The following CFAP43 variants were observed in gnomAD, a reference collection of about 807,000 sequenced individuals.
CFAP43 encodes the protein cilia and flagella associated protein 43, also known as cilia- and flagella-associated protein 43.
A neutral mutation model predicts 218.9 loss-of-function variants in CFAP43; 155 were observed. The ratio of observed to expected loss-of-function variants is 0.71; its 90% confidence interval spans 0.62 to 0.81. The LOEUF is 0.81. Among genes scored for constraint, CFAP43 ranks in the 30% least tolerant of loss-of-function variants. The probability of loss-of-function intolerance (pLI) is 0.00; values close to 1 mark genes in which losing one functional copy is unlikely to be tolerated. For missense variants in CFAP43, 1,778 were observed against 1,954.3 expected, an observed-to-expected ratio of 0.91 and a Z score of 1.70; for synonymous variants, 645 against 681.3, an observed-to-expected ratio of 0.95 and a Z score of 0.83.
intron 17 of CFAP43, among the ~76,000 whole-genome samples, chr10:104,181,019 T>C (rs767252735): frequency 2.0e-5 from 3 of 152,168 alleles, no homozygotes; most frequent in Non-Finnish European, 4.4e-5. Flanking sequence ...TATCCAGTCC[T>C]GACCTCTCCC....
intron 5 of CFAP43, among the ~76,000 whole-genome samples, chr10:104,211,054 G>A (rs2090847005): frequency 6.6e-6 from 1 of 151,886 alleles, no homozygotes; most frequent in Non-Finnish European, 1.5e-5. Flanking sequence ...GCCTCCCAAA[G>A]GAAACACTCT....
chr10:104,130,233 T>G lies in CFAP43; in HGVS notation c.4904A>C (p.Asn1635Thr). ...CTGTTCAGCTTGTTGTTTTGAAATA[T>G]TTGTTAACTTCTGCTGTTGCATCAT... ...ENMMQQQKLT[N>T]ISKQQAEQIS... is the part of the protein sequence containing the mutation. Residue 1635 changes from asparagine (N) to threonine (T), a missense_variant, in exon 38 of 38, where the codon AAT becomes ACT. By Grantham distance (65) the Asn-to-Thr change is moderately conservative. Coordinates refer to ENST00000357060, the MANE Select transcript of CFAP43 (RefSeq NM_025145.7). The G allele has an allele frequency of 6.2e-7, 1 of 1,613,464 alleles. No individual in the cohort carries two copies. The highest frequency in any genetic ancestry group is 1.1e-5 in the South Asian group (1 of 90,864).
chr10:104,226,035 T>C (rs552388910), intron 2 of CFAP43, among the ~76,000 whole-genome samples: 53 of 152,394 alleles, frequency 3.5e-4, no homozygotes, highest in African/African-American at 1.2e-3. Context: ...AAAAGTGACA[T>C]ACTCCTTTGT....
chr10:104,140,805 G>T, intron 34 of CFAP43, 37 bp downstream of exon 34: 2 of 1,505,318 alleles, frequency 1.3e-6, no homozygotes, highest in Non-Finnish European at 1.8e-6. Flanking sequence ...AACAAAGCAA[G>T]ACCTTGAATT....
chr10:104,175,083 AC>A (rs1564755875), intron 19 of CFAP43, among the ~76,000 whole-genome samples: 23 of 150,286 alleles, frequency 1.5e-4, no homozygotes, highest in African/African-American at 5.4e-4. Context: ...AAACAAACAA[AC>A]AAACAAAAAA....
Position 104,143,481 on chromosome 10 carries a change from A to G in CFAP43, c.4103T>C (p.Leu1368Ser), listed in dbSNP as rs759131738. The stretch of plus-strand genomic sequence containing the variant: ...TGTCATGCAGAAATGATTCCAGACC[A>G]AAGGGTCCAAGCCTTCTGGCATGTT... ...ISNMPEGLDP[L>S]VWNHFCMTRR... The change falls in exon 32 of 38, where the codon TTG becomes TCG. Residue 1368 changes from leucine to serine, a missense_variant. Transcript: ENST00000357060. The G allele has an allele frequency of 6.2e-7, 1 of 1,614,228 alleles. No individual in the cohort carries two copies. The highest frequency in any genetic ancestry group is 1.1e-5 in the South Asian group (1 of 91,088).
intron 10 of CFAP43, among the ~76,000 whole-genome samples, 192 bp from the exon 11 acceptor site, chr10:104,194,206 A>T (rs1287136319): frequency 3.3e-5 from 5 of 152,186 alleles, no homozygotes; most frequent in Admixed American, 3.3e-4. Flanking sequence ...AGGAATCTGT[A>T]CATCTTATTC....
chr10:104,155,123 C>T (rs771724320), intron 27 of CFAP43, among the ~76,000 whole-genome samples: 1 of 152,162 alleles, frequency 6.6e-6, no homozygotes, highest in Admixed American at 6.5e-5. Flanking sequence ...ATGAGAGGGA[C>T]TCTGCTGAAT....
chr10:104,133,963 A>T (rs2087319359), intron 34 of CFAP43, among the ~76,000 whole-genome samples, 179 bp from the exon 35 acceptor site: 1 of 152,232 alleles, frequency 6.6e-6, no homozygotes, highest in African/African-American at 2.4e-5. Flanking sequence ...ATAAAGCATG[A>T]TAGTCACTAA....
intron 8 of CFAP43, among the ~76,000 whole-genome samples, chr10:104,201,356 A>G (rs1453281619): frequency 2.0e-5 from 3 of 151,800 alleles, no homozygotes; most frequent in Non-Finnish European, 4.4e-5. Context: ...ATTTTAATTT[A>G]TGCTTTTTGT....
At chr10:104,224,281 G>A (rs2091254914) in intron 3 of CFAP43, among the ~76,000 whole-genome samples, 1 of 151,812 alleles carries the variant, frequency 6.6e-6, no homozygotes, top group South Asian at 2.1e-4. Flanking sequence ...CTGACCTCGT[G>A]ATTTGCCCAC....
chr10:104,223,777 T>C (rs1451013871), intron 3 of CFAP43, among the ~76,000 whole-genome samples: 1 of 152,154 alleles, frequency 6.6e-6, no homozygotes, highest in Non-Finnish European at 1.5e-5. Context: ...GCTAATACAG[T>C]ACATCCATCA....
chr10:104,207,010 C>T (rs1480547566), intron 6 of CFAP43, among the ~76,000 whole-genome samples: 1 of 152,078 alleles, frequency 6.6e-6, no homozygotes, highest in Admixed American at 6.6e-5. Context: ...CCCATCTCTA[C>T]TAAAAATACA....
chr10:104,189,858 A>AAAAC lies in CFAP43; in HGVS notation c.1547-1452_1547-1449dup, dbSNP rs531219767. On this transcript the variant is annotated intron_variant, in intron 12 of 37. Transcript: ENST00000357060. Reference sequence around the variant, plus strand: ...TCTCTACTAAAAAACAAAACAAAACAAAACAAACAAACAAACAAACAAAAA... The same window carrying AAAAC: ...TCTCTACTAAAAAACAAAACAAAACAAAACAAACAAACAAACAAACAAACAAAAA... Among the ~76,000 whole-genome samples the AAAAC allele has an allele frequency of 9.9e-4, 151 of 152,148 alleles. No individual in the cohort carries two copies. The Middle Eastern group carries it at 0.01, about 10-fold the overall frequency.
chr10:104,196,991 A>G (rs1056704280), intron 9 of CFAP43, 58 bp from the exon 10 acceptor site: 7 of 1,361,392 alleles, frequency 5.1e-6, no homozygotes, highest in Non-Finnish European at 7.2e-6. Flanking sequence ...CTATGGAAGC[A>G]TGTTCTACCT....
chr10:104,181,393 C>T (rs1312624816), intron 17 of CFAP43, among the ~76,000 whole-genome samples: 2 of 152,164 alleles, frequency 1.3e-5, no homozygotes, highest in African/African-American at 4.8e-5. Flanking sequence ...GCCTCCTGAG[C>T]AATGTCCCTG....
In CFAP43 at chr10:104,130,322, T is replaced by G; in HGVS notation, c.4832-17A>C. The G allele has an allele frequency of 1.3e-6, 2 of 1,596,546 alleles. No homozygotes were observed. The highest frequency in any genetic ancestry group is 1.7e-6 in the Non-Finnish European group (2 of 1,176,366). On this transcript the variant is annotated splice_polypyrimidine_tract_variant and intron_variant, in intron 37 of 37. Transcript: ENST00000357060. ...GTTTAGACCCTATCCCAAAAATGAA[T>G]AAAGGAATTCGATTATTTATCAATA...
intron 34 of CFAP43, among the ~76,000 whole-genome samples, chr10:104,137,821 A>C (rs1376832432): frequency 6.6e-6 from 1 of 152,092 alleles, no homozygotes. Context: ...AAACAAAACA[A>C]AACAAAAATG....
In CFAP43 at chr10:104,163,456, T is replaced by C. The variant is rs192087525; in HGVS notation, c.3246+638A>G. Among the ~76,000 whole-genome samples the C allele has an allele frequency of 2.8e-3, 417 of 149,554 alleles. 5 individuals are homozygous for C. Among genetic ancestry groups the C allele is most frequent in the Non-Finnish European group, 8.1e-4 (54 of 66,310 alleles). ...GTCTTTCTTTGAGTATTCTTTAGCA[T>C]TTTTTTTTACTTTTAAAAAATGAAA... On this transcript the variant is annotated intron_variant, in intron 24 of 37. Transcript: ENST00000357060.
Sources: allele counts gnomAD v4.1 joint callset (sites outside exome capture counted in the v4.1 genomes callset), GRCh38; gene constraint gnomAD v4.1.1; transcripts MANE v1.5; gene names NCBI Gene and HGNC (gene_info 2026-07-23, HGNC 2026-07-21).